Variants in BAZ1A observed in about 807,000 individuals in gnomAD.
BAZ1A encodes the protein bromodomain adjacent to zinc finger domain 1A, also known as bromodomain adjacent to zinc finger domain protein 1A.
Under a neutral mutation model 185.2 loss-of-function variants are expected in BAZ1A, and 50 were observed. The ratio of observed to expected loss-of-function variants is 0.27; its 90% CI spans 0.22 to 0.34. The LOEUF (loss-of-function observed/expected upper bound fraction) is 0.34. BAZ1A is among the 10% of genes least tolerant of loss of function. BAZ1A has a pLI of 1.00. For synonymous variants in BAZ1A, 571 were observed against 615.6 expected, an observed-to-expected ratio of 0.93 and a Z score of 1.07; for missense variants, 1,356 against 1,839.9, an observed-to-expected ratio of 0.74 and a Z score of 4.81.
intron 2 of BAZ1A, among the ~76,000 whole-genome samples, chr14:34,872,913 TAAAAAAA>T (rs35955993): frequency 9.2e-4 from 70 of 76,188 alleles, no homozygotes; most frequent in African/African-American, 4.4e-3. Context: ...TTTAAAATCC[TAAAAAAA>T]AAAAAAAAAA....
chr14:34,816,322 C>T (rs1003637412), intron 4 of BAZ1A, among the ~76,000 whole-genome samples: 2 of 151,986 alleles, frequency 1.3e-5, no homozygotes, highest in South Asian at 2.1e-4. Flanking sequence ...CTCCTGACCT[C>T]GTGATCCACC....
intron 3 of BAZ1A, among the ~76,000 whole-genome samples, chr14:34,842,064 T>G (rs920342536): frequency 6.6e-6 from 1 of 152,210 alleles, no homozygotes. Context: ...CACTAGAATC[T>G]AAGTCACAAG....
At chr14:34,871,240 TAG>T (rs2042944090) in intron 2 of BAZ1A, among the ~76,000 whole-genome samples, 1 of 152,222 alleles carries the variant, frequency 6.6e-6, no homozygotes, top group Non-Finnish European at 1.5e-5. Context: ...TTTATTTTTG[TAG>T]AAACAAGGTC....
chr14:34,806,359 G>A (rs2138667480), intron 6 of BAZ1A, among the ~76,000 whole-genome samples: 1 of 152,184 alleles, frequency 6.6e-6, no homozygotes, highest in African/African-American at 2.4e-5. Context: ...TAGTTAACGT[G>A]TCATGGGGGT....
At chr14:34,772,843 C>T (rs1166422882) in intron 20 of BAZ1A, among the ~76,000 whole-genome samples, 2 of 152,184 alleles carry the variant, frequency 1.3e-5, no homozygotes, top group East Asian at 1.9e-4. Context: ...TCCTGGCCAA[C>T]GTGGCGAAAC....
chr14:34,849,590 C>G (rs1343389733), intron 3 of BAZ1A, among the ~76,000 whole-genome samples: 3 of 152,060 alleles, frequency 2.0e-5, no homozygotes, highest in African/African-American at 7.2e-5. Flanking sequence ...TGGAGCAAAT[C>G]ACATTTGAAA....
In BAZ1A at chr14:34,874,146, C is replaced by A. The variant is rs566412204; in HGVS notation, c.113+346G>T. 1.3e-4 allele frequency among the ~76,000 whole-genome samples: 20 copies of A among 152,122 alleles called. No homozygotes were observed. The highest frequency in any genetic ancestry group is 4.8e-4 in the African/African-American group (20 of 41,544). Reference sequence around the variant, plus strand: ...GGATCCCGGAACTGGCCCCGGAGTGCGCGTGTGGCCGCGGCGGGGAGGGGC... The same window carrying A: ...GGATCCCGGAACTGGCCCCGGAGTGAGCGTGTGGCCGCGGCGGGGAGGGGC... On this transcript the variant is annotated intron_variant, in intron 2 of 26. Transcript: ENST00000360310. The surrounding 1 kb of genome is among the most constrained non-coding windows in gnomAD (Gnocchi z 4.7).
rs2138513160 is a variant in BAZ1A, at chr14:34,753,341, T to G, written c.*167A>C. ...TACTGAACAAAACTGTAGCAAAGGATATCTTTCCTACATTCTCCTGAGTGC... is the reference window on the plus strand; with the variant it reads ...TACTGAACAAAACTGTAGCAAAGGAGATCTTTCCTACATTCTCCTGAGTGC... On this transcript the variant is annotated 3_prime_UTR_variant, in exon 27 of 27. Transcript: ENST00000360310. The G allele has an allele frequency of 1.5e-6, 1 of 653,958 alleles. No individual in the cohort carries two copies. The highest frequency in any genetic ancestry group is 2.6e-6 in the Non-Finnish European group (1 of 388,784). The allele number at this position is 653,958 out of a possible 1,614,324, so 40.5% of individuals were successfully genotyped here. A position where few individuals can be genotyped will look rare whatever the true frequency, so the allele number is the denominator to read the frequency against.
At chr14:34,799,634 C>T (rs904125652) in intron 9 of BAZ1A, among the ~76,000 whole-genome samples, 5 of 150,494 alleles carry the variant, frequency 3.3e-5, no homozygotes, top group African/African-American at 7.3e-5. Flanking sequence ...TTTTTTGAGA[C>T]GGAGTCTTGT....
chr14:34,798,551 G>A (rs1009281799), intron 9 of BAZ1A, among the ~76,000 whole-genome samples: 1 of 152,104 alleles, frequency 6.6e-6, no homozygotes, highest in African/African-American at 2.4e-5. Context: ...TGATACCCAG[G>A]CAACCTCATC....
intron 20 of BAZ1A, 28 bp from the exon 21 acceptor site, chr14:34,771,687 GGTA>G: frequency 1.9e-6 from 3 of 1,602,192 alleles, no homozygotes; most frequent in Non-Finnish European, 2.6e-6. Flanking sequence ...AAGAGTTTAT[GGTA>G]CTTAAAAACA....
At chr14:34,788,563 CGAA>C (rs1411834562) in intron 12 of BAZ1A, among the ~76,000 whole-genome samples, 1 of 152,072 alleles carries the variant, frequency 6.6e-6, no homozygotes, top group East Asian at 1.9e-4. Context: ...CCTGGCTTCC[CGAA>C]GTGCCAGGAT....
At position 34,857,395 on chromosome 14, in the gene BAZ1A, C is replaced by A. The variant is rs183604694; in HGVS notation, c.392+4649G>T. Among the ~76,000 whole-genome samples the A allele has an allele frequency of 1.3e-4, 20 of 152,248 alleles. 1 individual carries two copies. The highest frequency in any genetic ancestry group is 9.2e-4 in the Admixed American group (14 of 15,280). ...TCATGTAGTCGGCTCACTTGCATTC[C>A]TGGGCTCAACTGATCCTCCTGCCCA... is the stretch of plus-strand genomic sequence containing the variant. On this transcript the variant is annotated intron_variant, in intron 3 of 26. Coordinates refer to ENST00000360310, the MANE Select transcript of BAZ1A (RefSeq NM_013448.3).
chr14:34,803,345 C>T (rs955960642), intron 6 of BAZ1A, among the ~76,000 whole-genome samples: 1 of 145,352 alleles, frequency 6.9e-6, no homozygotes, highest in African/African-American at 2.6e-5. Context: ...TGCCACTGCA[C>T]TCCAGCCTGG....
At chr14:34,815,185 T>C (rs1447767180) in intron 4 of BAZ1A, among the ~76,000 whole-genome samples, 1 of 152,198 alleles carries the variant, frequency 6.6e-6, no homozygotes, top group Non-Finnish European at 1.5e-5. Context: ...TGAAGATAAA[T>C]AGAAATTTTT....
chr14:34,834,301 G>A (rs1243411751), intron 3 of BAZ1A, among the ~76,000 whole-genome samples: 2 of 152,124 alleles, frequency 1.3e-5, no homozygotes, highest in African/African-American at 4.8e-5. Flanking sequence ...GAGCCCAGGT[G>A]AATGCCCCTT....
At chr14:34,830,186 C>A (rs1161236594) in intron 3 of BAZ1A, among the ~76,000 whole-genome samples, 5 of 151,926 alleles carry the variant, frequency 3.3e-5, no homozygotes, top group Admixed American at 6.6e-5. Flanking sequence ...CAAACTTGTA[C>A]ATAAATGTTC....
rs1879609044 is a variant in BAZ1A at position 34,776,391 on chromosome 14, T to C, written c.2361A>G (p.Lys787=). 2 of 1,614,114 alleles carry C rather than the reference T, an allele frequency of 1.2e-6. No individual in the cohort carries two copies. Among genetic ancestry groups the C allele is most frequent in the Non-Finnish European group, 1.7e-6 (2 of 1,180,032 alleles). The change falls in exon 18 of 27, where the codon AAA becomes AAG. Residue 787 remains lysine (K), a synonymous_variant. Transcript: ENST00000360310. ...ALKQEHQRKE[K]ELLEKIQSAI... ...CACTTTGGATTTTTTCTAAGAGCTC[T>C]TTCTCTTTTCGTTGGTGTTCCTGTT...
Position 34,753,270 on chromosome 14 carries a change from T to A in BAZ1A, c.*238A>T. 2 of 411,860 alleles carry A rather than the reference T, an allele frequency of 4.9e-6. No homozygotes were observed. The highest frequency in any genetic ancestry group is 8.6e-6 in the Non-Finnish European group (2 of 231,418). The allele number at this position is 411,860 out of a possible 1,614,324, so 25.5% of individuals were successfully genotyped here. A position where few individuals can be genotyped will look rare whatever the true frequency, so the allele number is the denominator to read the frequency against. On this transcript the variant is annotated 3_prime_UTR_variant, in exon 27 of 27. Coordinates refer to ENST00000360310, the MANE Select transcript of BAZ1A (RefSeq NM_013448.3). ...ATGATCTCAAAAATGTACAAAAACCTCTGTAAACCAGTACTGTATCCAATA... is the reference window on the plus strand; with the variant it reads ...ATGATCTCAAAAATGTACAAAAACCACTGTAAACCAGTACTGTATCCAATA...
Sources: allele counts gnomAD v4.1 joint callset (sites outside exome capture counted in the v4.1 genomes callset), GRCh38; gene constraint gnomAD v4.1.1; non-coding constraint Gnocchi (gnomAD v3.1); transcripts MANE v1.5; gene names NCBI Gene and HGNC (gene_info 2026-07-23, HGNC 2026-07-21).